Variants in TRIM27 observed in about 807,000 individuals in gnomAD.
The protein encoded by TRIM27 is tripartite motif containing 27, also known as zinc finger protein RFP.
TRIM27 carries 12 observed loss-of-function variants against 57.6 expected under a neutral mutation model. The ratio of observed to expected loss-of-function variants is 0.21; its 90% CI spans 0.13 to 0.34. TRIM27 has a LOEUF of 0.34. Ranked by LOEUF, TRIM27 falls within the 10% of genes least tolerant of loss-of-function variation. The probability of loss-of-function intolerance (pLI) is 1.00; values close to 1 mark genes in which losing one functional copy is unlikely to be tolerated. For missense variants in TRIM27, 403 were observed against 656.8 expected (o/e 0.61, Z 4.22); for synonymous variants, 266 against 259.0 (o/e 1.03, Z -0.26).
In TRIM27 at chr6:28,923,755, G is replaced by A. The variant is rs139220021; in HGVS notation, c.-123C>T. 13,217 of 1,122,642 alleles carry A rather than the reference G, an allele frequency of 0.012. 146 individuals carry two copies. Among genetic ancestry groups the A allele is most frequent in the Non-Finnish European group, 0.013 (10,520 of 819,392 alleles). The allele number at this position is 1,122,642 out of a possible 1,614,324, so 69.5% of individuals were successfully genotyped here. Reference sequence around the variant, plus strand: ...AGGCACCGGGCGGACGGAGGGCGGCGCCTCCCGGGCCCGTATCCCAGACGC... The same window carrying A: ...AGGCACCGGGCGGACGGAGGGCGGCACCTCCCGGGCCCGTATCCCAGACGC... On this transcript the variant is annotated 5_prime_UTR_variant, in exon 1 of 8. Coordinates refer to ENST00000377199, the MANE Select transcript of TRIM27 (RefSeq NM_006510.5).
intron 3 of TRIM27, among the ~76,000 whole-genome samples, chr6:28,913,906 G>A (rs765487282): frequency 3.3e-5 from 5 of 149,800 alleles, no homozygotes; most frequent in Non-Finnish European, 5.9e-5. Context: ...ATGTGTGTGC[G>A]CTTTTTTCTT....
intron 3 of TRIM27, 70 bp from the exon 4 acceptor site, chr6:28,911,788 T>G: frequency 6.5e-7 from 1 of 1,533,378 alleles, no homozygotes; most frequent in Non-Finnish European, 9.0e-7. Flanking sequence ...CACAGATGTT[T>G]GTTGAAAAAC....
At chr6:28,914,162 G>A (rs1455756306) in intron 3 of TRIM27, among the ~76,000 whole-genome samples, 1 of 143,676 alleles carries the variant, frequency 7.0e-6, no homozygotes, top group African/African-American at 2.6e-5. Flanking sequence ...TTGAGACAGA[G>A]TCTTGATCTG....
rs772369422 is a variant in TRIM27 at position 28,909,064 on chromosome 6, T to C, written c.795A>G (p.Glu265=). The part of the protein sequence containing the change: ...LSRAERIRIP[E]PWITPPDLQE... Reference sequence around the variant, plus strand: ...GCAAATCTGGAGGTGTGATCCAAGGTTCAGGAATCCTGATTCTTTCAGCCC... The same window carrying C: ...GCAAATCTGGAGGTGTGATCCAAGGCTCAGGAATCCTGATTCTTTCAGCCC... The change falls in exon 5 of 8, where the codon GAA becomes GAG. Residue 265 remains glutamate (E), a synonymous_variant. Transcript: ENST00000377199. 1.9e-6 allele frequency: 3 copies of C among 1,611,524 alleles called. No individual in the cohort carries two copies. In the Admixed American group the frequency reaches 5.0e-5, roughly 27 times the overall value.
Position 28,923,903 on chromosome 6 carries a change from G to A in TRIM27, c.-271C>T, listed in dbSNP as rs1223053348. On this transcript the variant is annotated 5_prime_UTR_variant, in exon 1 of 8. Transcript: ENST00000377199. ...CACGCTAGTGGGGCAGGAAAGGGTAGCCGAGGGTCAGAGTCCCAGGGCCAG... is the reference window on the plus strand; with the variant it reads ...CACGCTAGTGGGGCAGGAAAGGGTAACCGAGGGTCAGAGTCCCAGGGCCAG... The A allele has an allele frequency of 1.1e-5, 5 of 456,450 alleles. No homozygotes were observed. The South Asian group carries it at 1.4e-4, about 12-fold the overall frequency. The allele number at this position is 456,450 out of a possible 1,614,324, so 28.3% of individuals were successfully genotyped here.
chr6:28,910,123 G>GAAAAAAAAAAAAAAAAAAAAAAAAAAA, intron 4 of TRIM27, among the ~76,000 whole-genome samples: 1 of 97,622 alleles, frequency 1.0e-5, no homozygotes, highest in African/African-American at 3.4e-5. Flanking sequence ...AAAGAAAAAT[G>GAAAAAAAAAAAAAAAAAAAAAAAAAAA]AAAAAAAAAA....
chr6:28,914,460 A>G (rs1773452441), intron 3 of TRIM27, among the ~76,000 whole-genome samples: 1 of 151,542 alleles, frequency 6.6e-6, no homozygotes, highest in South Asian at 2.1e-4. Flanking sequence ...AGCACATAAT[A>G]ATATGTGCTT....
intron 3 of TRIM27, among the ~76,000 whole-genome samples, chr6:28,918,992 C>T (rs1773825234): frequency 6.6e-6 from 1 of 151,892 alleles, no homozygotes; most frequent in African/African-American, 2.4e-5. Flanking sequence ...ATGCCATCAT[C>T]CATTTTTATT....
At position 28,903,091 on chromosome 6, in the gene TRIM27, G is replaced by T. The variant is rs1341944852; in HGVS notation, c.*979C>A. The T allele has an allele frequency of 1.3e-5, 3 of 230,114 alleles. No homozygotes were observed. The highest frequency in any genetic ancestry group is 2.6e-5 in the Non-Finnish European group (3 of 116,248). 14.3% of individuals were successfully genotyped at this position (230,114 alleles called of 1,614,324 possible). On this transcript the variant is annotated 3_prime_UTR_variant, in exon 8 of 8. Coordinates refer to ENST00000377199, the MANE Select transcript of TRIM27 (RefSeq NM_006510.5). ...GAACCATCATGGGGGCTTGCTTGAAGTGATCTGCCCCAGCCTTCTGACTTC... is the reference window on the plus strand; with the variant it reads ...GAACCATCATGGGGGCTTGCTTGAATTGATCTGCCCCAGCCTTCTGACTTC...
At chr6:28,919,925 G>T in intron 3 of TRIM27, 87 bp downstream of exon 3, 1 of 1,273,378 alleles carries the variant, frequency 7.9e-7, no homozygotes, top group Admixed American at 2.4e-5. Context: ...TTAAAAAGAA[G>T]ACAGGGGGTC....
chr6:28,916,297 A>T (rs1189844654), intron 3 of TRIM27, among the ~76,000 whole-genome samples: 1 of 152,138 alleles, frequency 6.6e-6, no homozygotes, highest in Non-Finnish European at 1.5e-5. Flanking sequence ...TCACACCTGT[A>T]ATCCCAATAC....
At chr6:28,914,293 C>T (rs1332164084) in intron 3 of TRIM27, among the ~76,000 whole-genome samples, 1 of 151,786 alleles carries the variant, frequency 6.6e-6, no homozygotes, top group African/African-American at 2.4e-5. Context: ...TGCCACCACA[C>T]CTGGCTAATT....
chr6:28,922,770 A>G (rs1774145627), intron 1 of TRIM27, among the ~76,000 whole-genome samples: 1 of 152,194 alleles, frequency 6.6e-6, no homozygotes, highest in Non-Finnish European at 1.5e-5. Context: ...GTGAGTTTCT[A>G]GACCAGGACG....
chr6:28,912,929 A>C (rs1460295316), intron 3 of TRIM27, among the ~76,000 whole-genome samples: 1 of 152,134 alleles, frequency 6.6e-6, no homozygotes, highest in Non-Finnish European at 1.5e-5. Context: ...TTTATGCAAG[A>C]AGCATTGCAA....
At chr6:28,914,768 G>A (rs1388825489) in intron 3 of TRIM27, 1 of 151,800 alleles carries the variant, frequency 6.6e-6, no homozygotes, top group African/African-American at 2.4e-5. Flanking sequence ...AAGAATAAGT[G>A]ATATCTCTTT....
intron 4 of TRIM27, 24 bp from the exon 5 acceptor site, chr6:28,909,112 AT>A (rs199893944): frequency 0.11 from 120,854 of 1,131,954 alleles, 5 homozygotes; most frequent in South Asian, 0.13. Flanking sequence ...ACATGAGTAA[AT>A]TTTTTTTTTT....
Position 28,904,489 on chromosome 6 carries a change from C to T in TRIM27, c.1123G>A (p.Val375Ile), listed in dbSNP as rs1330139160. The T allele has an allele frequency of 6.2e-7, 1 of 1,613,028 alleles. No individual in the cohort carries two copies. The highest frequency in any genetic ancestry group is 1.3e-5 in the African/African-American group (1 of 75,014). ...CACTTGGCTTTATCTCCCACCTCTACCTCCCAATAATGTCTCCCGGCGATG... is the reference window on the plus strand; with the variant it reads ...CACTTGGCTTTATCTCCCACCTCTATCTCCCAATAATGTCTCCCGGCGATG... ...CFIAGRHYWE[V>I]EVGDKAKWTI... is the part of the protein sequence containing the mutation. The change falls in exon 8 of 8, where the codon GTA becomes ATA. Residue 375 changes from valine (V) to isoleucine (I), a missense_variant. By Grantham distance (29) the Val-to-Ile change is conservative. Coordinates refer to ENST00000377199, the MANE Select transcript of TRIM27 (RefSeq NM_006510.5). The surrounding 1 kb of genome is among the most constrained non-coding windows in gnomAD (Gnocchi z 6.1).
chr6:28,915,293 T>TAAAAAAAAAAAAAAA (rs9256952), intron 3 of TRIM27: 1 of 111,978 alleles, frequency 8.9e-6, no homozygotes, highest in Non-Finnish European at 1.8e-5. Context: ...AAAATATTCT[T>TAAAAAAAAAAAAAAA]AAAAAAAAAA....
chr6:28,923,797 C>T lies in TRIM27; in HGVS notation c.-165G>A. 1 of 751,838 alleles carries T rather than the reference C, an allele frequency of 1.3e-6. No individual in the cohort carries two copies. The highest frequency in any genetic ancestry group is 2.1e-6 in the Non-Finnish European group (1 of 487,708). 46.6% of individuals were successfully genotyped at this position (751,838 alleles called of 1,614,324 possible). On this transcript the variant is annotated 5_prime_UTR_variant, in exon 1 of 8. Transcript: ENST00000377199. ...CCCAGACGCGCCCGCGCACCGAAGG[C>T]TTGGAGTGGCCGGGCCGATGCCTGC...
Sources: allele counts gnomAD v4.1 joint callset (sites outside exome capture counted in the v4.1 genomes callset), GRCh38; gene constraint gnomAD v4.1.1; non-coding constraint Gnocchi (gnomAD v3.1); transcripts MANE v1.5; gene names NCBI Gene and HGNC (gene_info 2026-07-23, HGNC 2026-07-21).